The following PRDM5 variants were observed in gnomAD, a reference collection of about 807,000 sequenced individuals.
The protein encoded by PRDM5 is PR domain zinc finger protein 5.
Under a neutral mutation model 81.2 loss-of-function variants are expected in PRDM5, and 56 were observed. The ratio of observed to expected loss-of-function variants is 0.69; its 90% CI spans 0.56 to 0.86. The LOEUF (loss-of-function observed/expected upper bound fraction) is 0.86, where lower values mean the gene tolerates loss of function less well. Among genes scored for constraint, PRDM5 ranks in the 40% least tolerant of loss-of-function variants. The probability of loss-of-function intolerance (pLI) is 0.00; values close to 1 mark genes in which losing one functional copy is unlikely to be tolerated. For synonymous variants in PRDM5, 267 were observed against 256.4 expected, an observed-to-expected ratio of 1.04 and a Z score of -0.39; for missense variants, 697 against 770.1, an observed-to-expected ratio of 0.91 and a Z score of 1.12.
intron 14 of PRDM5, among the ~76,000 whole-genome samples, chr4:120,746,198 A>G (rs1742998095): frequency 1.4e-5 from 1 of 73,366 alleles, no homozygotes; most frequent in Non-Finnish European, 2.8e-5. Flanking sequence ...TTCCCTATTT[A>G]ATAAATGGTG....
chr4:120,887,698 T>C (rs1246487964), intron 2 of PRDM5, among the ~76,000 whole-genome samples: 1 of 152,202 alleles, frequency 6.6e-6, no homozygotes, highest in African/African-American at 2.4e-5. Context: ...CTAGTTCTTC[T>C]TCAGATGGCC....
At chr4:120,716,196 AT>A (rs1737723717) in intron 14 of PRDM5, among the ~76,000 whole-genome samples, 1 of 152,218 alleles carries the variant, frequency 6.6e-6, no homozygotes, top group South Asian at 2.1e-4. Flanking sequence ...GATTAATTTA[AT>A]ATACTTCACT....
chr4:120,712,969 T>G (rs1232935782), intron 14 of PRDM5, among the ~76,000 whole-genome samples: 2 of 152,228 alleles, frequency 1.3e-5, no homozygotes, highest in Non-Finnish European at 2.9e-5. Context: ...CATGTGTACC[T>G]AGATGTGGGA....
At chr4:120,841,441 C>T (rs972377594) in intron 3 of PRDM5, among the ~76,000 whole-genome samples, 2 of 152,188 alleles carry the variant, frequency 1.3e-5, no homozygotes, top group African/African-American at 4.8e-5. Flanking sequence ...ACTCAACTTC[C>T]ATTGATAAAG....
At chr4:120,758,753 C>T (rs1745155170) in intron 13 of PRDM5, among the ~76,000 whole-genome samples, 1 of 151,718 alleles carries the variant, frequency 6.6e-6, no homozygotes, top group Non-Finnish European at 1.5e-5. Context: ...TAACAGTCAT[C>T]CTACTCTTTT....
At chr4:120,797,388 G>C (rs1751490090) in intron 10 of PRDM5, among the ~76,000 whole-genome samples, 1 of 152,074 alleles carries the variant, frequency 6.6e-6, no homozygotes, top group Admixed American at 6.6e-5. Context: ...TTGCCTTGTA[G>C]GATGGATTGC....
At chr4:120,740,492 A>G (rs1741762340) in intron 14 of PRDM5, among the ~76,000 whole-genome samples, 2 of 152,094 alleles carry the variant, frequency 1.3e-5, no homozygotes, top group Admixed American at 1.3e-4. Context: ...TCCTGTCTCT[A>G]TGTGGAAAAT....
chr4:120,913,357 A>G (rs1199087005), intron 1 of PRDM5, among the ~76,000 whole-genome samples: 1 of 152,260 alleles, frequency 6.6e-6, no homozygotes, highest in Non-Finnish European at 1.5e-5. Flanking sequence ...ACTAATGGCC[A>G]CAAACATCTT....
chr4:120,749,695 G>T (rs1281770236), intron 14 of PRDM5, among the ~76,000 whole-genome samples: 2 of 152,192 alleles, frequency 1.3e-5, no homozygotes. Context: ...ACCAGCTGCT[G>T]GGGGTGGAAC....
intron 10 of PRDM5, among the ~76,000 whole-genome samples, chr4:120,795,678 C>A (rs184919844): frequency 6.6e-6 from 1 of 151,952 alleles, no homozygotes; most frequent in African/African-American, 2.4e-5. Flanking sequence ...TTTGGGAGGC[C>A]GAGGTAGGCA....
At chr4:120,839,430 T>C (rs1255469768) in intron 3 of PRDM5, among the ~76,000 whole-genome samples, 2 of 152,090 alleles carry the variant, frequency 1.3e-5, no homozygotes, top group African/African-American at 4.8e-5. Context: ...GCAGAGAAGG[T>C]AACTCCTCTC....
intron 2 of PRDM5, among the ~76,000 whole-genome samples, chr4:120,888,402 C>CA (rs1357349328): frequency 6.6e-6 from 1 of 152,158 alleles, no homozygotes; most frequent in Non-Finnish European, 1.5e-5. Context: ...TTATTTCACT[C>CA]AAGGCTTTGT....
At chr4:120,700,205 C>T (rs189806068) in intron 15 of PRDM5, among the ~76,000 whole-genome samples, 1 of 152,154 alleles carries the variant, frequency 6.6e-6, no homozygotes, top group African/African-American at 2.4e-5. Context: ...AAAGGGCTCC[C>T]TACTCAATAA....
intron 11 of PRDM5, among the ~76,000 whole-genome samples, chr4:120,784,535 T>C (rs1047189284): frequency 6.6e-6 from 1 of 152,154 alleles, no homozygotes; most frequent in Non-Finnish European, 1.5e-5. Flanking sequence ...CAATATTTTG[T>C]ATCCTCCTCA....
In PRDM5 at chr4:120,913,614, T is replaced by C. The variant is rs1579224062; in HGVS notation, c.94-6057A>G. Among the ~76,000 whole-genome samples the C allele has an allele frequency of 3.3e-5, 5 of 152,312 alleles. 1 individual carries two copies. The South Asian group carries it at 1.0e-3, about 32-fold the overall frequency. ...GACCTGAATGCAACACCTTTCCCCT[T>C]CACCCTCAAACCTGTTACTTTCCTC... is the stretch of plus-strand genomic sequence containing the variant. On this transcript the variant is annotated intron_variant, in intron 1 of 15. Coordinates refer to ENST00000264808, the MANE Select transcript of PRDM5 (RefSeq NM_018699.4).
In PRDM5 at chr4:120,851,468, GA is replaced by G. The variant is rs1252073835; in HGVS notation, c.300+1949del. On this transcript the variant is annotated intron_variant, in intron 3 of 15. Coordinates refer to ENST00000264808, the MANE Select transcript of PRDM5 (RefSeq NM_018699.4). ...AAAATAATGTCTACATGTTGAAAAAGAAAAAAAAAAAAAACATCAGTTTAAA... is the reference window on the plus strand; with the variant it reads ...AAAATAATGTCTACATGTTGAAAAAGAAAAAAAAAAAAACATCAGTTTAAA... Among the ~76,000 whole-genome samples the G allele has an allele frequency of 7.7e-3, 889 of 115,914 alleles. 4 individuals are homozygous for G. Among genetic ancestry groups the G allele is most frequent in the African/African-American group, 0.01 (322 of 31,298 alleles). 76.0% of individuals were successfully genotyped at this position (115,914 alleles called of 152,430 possible).
At chr4:120,688,752 T>C (rs1027645837), downstream of PRDM5, among the ~76,000 whole-genome samples, 6 of 152,146 alleles carry the variant, frequency 3.9e-5, no homozygotes, top group African/African-American at 1.4e-4. Flanking sequence ...TAGTCTTAGC[T>C]CTCTTGTTAA....
At chr4:120,848,634 C>T (rs1323551613) in intron 3 of PRDM5, among the ~76,000 whole-genome samples, 1 of 152,156 alleles carries the variant, frequency 6.6e-6, no homozygotes, top group Non-Finnish European at 1.5e-5. Flanking sequence ...CTGCCATCAT[C>T]ATCATTTTAA....
At chr4:120,877,669 G>T (rs1371361265) in intron 2 of PRDM5, among the ~76,000 whole-genome samples, 3 of 152,202 alleles carry the variant, frequency 2.0e-5, no homozygotes, top group African/African-American at 7.2e-5. Flanking sequence ...GCTGGGCATG[G>T]TGGCACAGTC....
Sources: gnomAD v4.1 joint callset for allele counts (sites outside exome capture counted in the v4.1 genomes callset) on GRCh38, gnomAD v4.1.1 for gene constraint, MANE v1.5 for transcripts, NCBI Gene and HGNC (gene_info 2026-07-23, HGNC 2026-07-21) for gene names.